The following GABBR2 variants were observed in gnomAD, a reference collection of about 807,000 sequenced individuals.
The protein encoded by GABBR2 is G-protein coupled receptor 51.
Under a neutral mutation model 105.6 loss-of-function variants are expected in GABBR2, and 23 were observed. The observed-to-expected ratio is 0.22, with a 90% confidence interval of 0.16 to 0.31. The LOEUF is 0.31. Among genes scored for constraint, GABBR2 ranks in the 10% least tolerant of loss-of-function variants. GABBR2 has a pLI of 1.00. For synonymous variants in GABBR2, 478 were observed against 499.7 expected (o/e 0.96, Z 0.58); for missense variants, 734 against 1,245.5 (o/e 0.59, Z 6.18).
intron 13 of GABBR2, among the ~76,000 whole-genome samples, chr9:98,343,660 C>T (rs72603692): frequency 0.029 from 4,439 of 152,194 alleles, 287 homozygotes; most frequent in East Asian, 0.25. Context: ...GAGTTTGAGA[C>T]CAGCCTGATT....
rs138286106 is a variant in GABBR2, at chr9:98,667,471, C to T, written c.321+40946G>A. ...AAGCCACCCTCGGCCAAGTGAGCTG[C>T]GTTACCCACATTTATGTCCCCTCCC... On this transcript the variant is annotated intron_variant, in intron 1 of 18. Transcript: ENST00000259455. Among the ~76,000 whole-genome samples, 585 of 152,230 alleles carry T rather than the reference C, an allele frequency of 3.8e-3. 3 individuals are homozygous for T. The highest frequency in any genetic ancestry group is 0.013 in the African/African-American group (545 of 41,540).
chr9:98,636,043 G>C (rs551562692), intron 1 of GABBR2, among the ~76,000 whole-genome samples: 1 of 152,274 alleles, frequency 6.6e-6, no homozygotes. Flanking sequence ...TCCAAGACAG[G>C]AGTCGCAGAT....
intron 5 of GABBR2, among the ~76,000 whole-genome samples, chr9:98,478,260 C>A (rs1279124130): frequency 6.6e-6 from 1 of 152,156 alleles, no homozygotes; most frequent in Non-Finnish European, 1.5e-5. Flanking sequence ...GCTCTGACTC[C>A]AATAGAGATC....
chr9:98,486,199 G>A (rs1051640380), intron 4 of GABBR2, among the ~76,000 whole-genome samples: 3 of 152,154 alleles, frequency 2.0e-5, no homozygotes, highest in Non-Finnish European at 2.9e-5. Flanking sequence ...GCCTTGCCCC[G>A]GGTGGGTGTG....
Position 98,504,674 on chromosome 9 carries a change from T to C in GABBR2, c.631-8160A>G, listed in dbSNP as rs983214602. ...CGAAATGTCACTCCTCTTACCTGAC[T>C]AAAGTGTATAATTATAGATTTACTT... On this transcript the variant is annotated intron_variant, in intron 3 of 18. Coordinates refer to ENST00000259455, the MANE Select transcript of GABBR2 (RefSeq NM_005458.8). Among the ~76,000 whole-genome samples, 3 of 152,234 alleles carry C rather than the reference T, an allele frequency of 2.0e-5. No homozygotes were observed. In the East Asian group the frequency reaches 5.8e-4, roughly 29 times the overall value.
chr9:98,306,105 G>C lies in GABBR2; in HGVS notation c.2229+16C>G. 2 of 1,590,830 alleles carry C rather than the reference G, an allele frequency of 1.3e-6. No homozygotes were observed. The highest frequency in any genetic ancestry group is 1.7e-6 in the Non-Finnish European group (2 of 1,159,984). ...GTCAGAGGGCAGAGGCCAGGTGGTG[G>C]GGCCAGCGCCTGTACCTTCGGCACG... On this transcript the variant is annotated intron_variant, in intron 15 of 18. Coordinates refer to ENST00000259455, the MANE Select transcript of GABBR2 (RefSeq NM_005458.8). This position sits in a 1 kb window ranked among gnomAD's most constrained non-coding sequence, Gnocchi z 5.4.
chr9:98,683,051 C>A (rs1830569977), intron 1 of GABBR2, among the ~76,000 whole-genome samples: 1 of 152,176 alleles, frequency 6.6e-6, no homozygotes, highest in African/African-American at 2.4e-5. Context: ...TATGCCACTG[C>A]CCAGCTCTGA....
At chr9:98,321,441 C>T (rs1370563625) in intron 13 of GABBR2, among the ~76,000 whole-genome samples, 1 of 152,190 alleles carries the variant, frequency 6.6e-6, no homozygotes, top group Non-Finnish European at 1.5e-5. Flanking sequence ...ACCCCTCATG[C>T]CCCAACCTGG....
At chr9:98,551,782 G>C (rs1018475716) in intron 2 of GABBR2, among the ~76,000 whole-genome samples, 6 of 152,152 alleles carry the variant, frequency 3.9e-5, no homozygotes, top group Non-Finnish European at 7.4e-5. Context: ...TAGGGAGCCG[G>C]GACATTTAGG....
chr9:98,692,909 C>T (rs187629225), intron 1 of GABBR2, among the ~76,000 whole-genome samples: 59 of 152,316 alleles, frequency 3.9e-4, no homozygotes, highest in Non-Finnish European at 7.9e-4. Flanking sequence ...AAATGAGACA[C>T]CAACTGCCCT....
At chr9:98,451,533 GC>G (rs147651223) in intron 7 of GABBR2, among the ~76,000 whole-genome samples, 1 of 144,026 alleles carries the variant, frequency 6.9e-6, no homozygotes, top group South Asian at 2.2e-4. Flanking sequence ...CCTCCCCACT[GC>G]CCCCCAGCAG....
At chr9:98,554,365 A>G (rs1828544429) in intron 2 of GABBR2, among the ~76,000 whole-genome samples, 1 of 152,200 alleles carries the variant, frequency 6.6e-6, no homozygotes, top group Non-Finnish European at 1.5e-5. Flanking sequence ...CAAAGAAAGA[A>G]AGAAAAAGAA....
At chr9:98,648,105 GTGTGTGTGTGT>G (rs1830052534) in intron 1 of GABBR2, among the ~76,000 whole-genome samples, 2 of 73,106 alleles carry the variant, frequency 2.7e-5, no homozygotes, top group African/African-American at 5.6e-5. Context: ...GTGTGTGTGT[GTGTGTGTGTGT>G]ATAGATAGAT....
At chr9:98,386,857 C>T (rs1341655897) in intron 10 of GABBR2, among the ~76,000 whole-genome samples, 1 of 152,192 alleles carries the variant, frequency 6.6e-6, no homozygotes, top group East Asian at 1.9e-4. Context: ...TGCACCCCGG[C>T]TTTCAAGTTG....
chr9:98,571,314 C>T (rs1485196383), intron 2 of GABBR2, among the ~76,000 whole-genome samples: 1 of 152,206 alleles, frequency 6.6e-6, no homozygotes, highest in East Asian at 1.9e-4. Flanking sequence ...ATCCTAGCGG[C>T]ACTGGGATAC....
At chr9:98,538,237 A>T (rs73488496) in intron 3 of GABBR2, among the ~76,000 whole-genome samples, 2,779 of 152,316 alleles carry the variant, frequency 0.018, 30 homozygotes, top group Admixed American at 0.021. Context: ...GAGGCCTAGG[A>T]TCTCACAGCC....
rs561403672 is a variant in GABBR2 at position 98,487,028 on chromosome 9, C to T, written c.733-6031G>A. ...TACGCTTCACTCTCAAGGAAGGGAG[C>T]GAAGAGGGAATAGCCCACAGCAGCC... On this transcript the variant is annotated intron_variant, in intron 4 of 18. Transcript: ENST00000259455. Among the ~76,000 whole-genome samples the T allele has an allele frequency of 3.4e-4, 51 of 152,208 alleles. No individual in the cohort carries two copies. The South Asian group carries it at 6.6e-3, about 20-fold the overall frequency.
intron 13 of GABBR2, among the ~76,000 whole-genome samples, chr9:98,338,931 A>G (rs1831162062): frequency 6.6e-6 from 1 of 152,262 alleles, no homozygotes; most frequent in Non-Finnish European, 1.5e-5. Context: ...TATTAAAACA[A>G]GGGGATATTA....
At chr9:98,387,030 C>T (rs1031211912) in intron 10 of GABBR2, among the ~76,000 whole-genome samples, 1 of 152,040 alleles carries the variant, frequency 6.6e-6, no homozygotes, top group African/African-American at 2.4e-5. Flanking sequence ...TTTTGTAAAC[C>T]GTGAACTACT....
Sources: gnomAD v4.1 joint callset for allele counts (sites outside exome capture counted in the v4.1 genomes callset) on GRCh38, gnomAD v4.1.1 for gene constraint, Gnocchi (gnomAD v3.1) non-coding constraint, MANE v1.5 for transcripts, NCBI Gene and HGNC (gene_info 2026-07-23, HGNC 2026-07-21) for gene names.